The following SEMA3A variants were observed in gnomAD, a reference collection of about 807,000 sequenced individuals.
The protein encoded by SEMA3A is semaphorin 3A, also known as semaphorin-3A.
SEMA3A carries 29 observed loss-of-function variants against 97.9 expected under a neutral mutation model. That is an observed-to-expected ratio of 0.30 (90% CI 0.22 to 0.40). The LOEUF (loss-of-function observed/expected upper bound fraction) is 0.40. Among genes scored for constraint, SEMA3A ranks in the 10% least tolerant of loss-of-function variants. The pLI, the probability that SEMA3A is intolerant of heterozygous loss-of-function variation, is 1.00. For missense variants in SEMA3A, 763 were observed against 951.3 expected, an observed-to-expected ratio of 0.80 and a Z score of 2.60; for synonymous variants, 321 against 323.7, an observed-to-expected ratio of 0.99 and a Z score of 0.09.
In SEMA3A at chr7:84,006,963, G is replaced by A. The variant is rs539613233; in HGVS notation, c.1140+390C>T. On this transcript the variant is annotated intron_variant, in intron 10 of 16. Transcript: ENST00000265362. Reference sequence around the variant, plus strand: ...TTTGTATGTAAATTATAAAATTAAGGTTATAGAAATATCAAATATTTATGT... The same window carrying A: ...TTTGTATGTAAATTATAAAATTAAGATTATAGAAATATCAAATATTTATGT... Among the ~76,000 whole-genome samples the A allele has an allele frequency of 1.6e-4, 24 of 152,028 alleles. No individual in the cohort carries two copies. The East Asian group carries it at 4.5e-3, about 28-fold the overall frequency.
intron 9 of SEMA3A, among the ~76,000 whole-genome samples, chr7:84,009,928 A>AC: frequency 6.8e-6 from 1 of 146,608 alleles, no homozygotes; most frequent in South Asian, 2.1e-4. Flanking sequence ...AAAAAAAAAA[A>AC]CCCAGTCATA....
At chr7:83,995,350 A>G (rs1207673284) in intron 12 of SEMA3A, among the ~76,000 whole-genome samples, 1 of 152,006 alleles carries the variant, frequency 6.6e-6, no homozygotes, top group African/African-American at 2.4e-5. Context: ...CCCCAATAAA[A>G]ATTATTTCAT....
intron 15 of SEMA3A, 70 bp from the exon 16 acceptor site, chr7:83,963,417 T>C (rs1788554591): frequency 2.0e-6 from 3 of 1,525,698 alleles, no homozygotes; most frequent in South Asian, 2.3e-5. Context: ...AAGTTTTTAT[T>C]TGGAAATTCA....
intron 1 of SEMA3A, among the ~76,000 whole-genome samples, chr7:84,448,371 T>A (rs1408259108): frequency 1.3e-5 from 2 of 152,174 alleles, no homozygotes; most frequent in African/African-American, 2.4e-5. Context: ...ATCATCTCTG[T>A]TTGCAGCTGA....
chr7:83,991,890 G>C (rs886921553), intron 12 of SEMA3A, among the ~76,000 whole-genome samples: 10 of 146,984 alleles, frequency 6.8e-5, no homozygotes, highest in South Asian at 2.3e-4. Context: ...GTTTCAGAAG[G>C]AATGGTACCA....
intron 3 of SEMA3A, among the ~76,000 whole-genome samples, chr7:84,243,106 T>A (rs1195213641): frequency 1.3e-5 from 2 of 152,156 alleles, no homozygotes; most frequent in Non-Finnish European, 2.9e-5. Context: ...GGCCTGAAAT[T>A]TTCTTTTTTT....
chr7:84,441,392 A>G (rs1805270124), intron 1 of SEMA3A, among the ~76,000 whole-genome samples: 1 of 151,830 alleles, frequency 6.6e-6, no homozygotes, highest in Non-Finnish European at 1.5e-5. Flanking sequence ...GCTTCAAAAT[A>G]TAATAACAGA....
intron 2 of SEMA3A, among the ~76,000 whole-genome samples, chr7:84,316,518 C>A (rs1801504644): frequency 1.3e-5 from 2 of 151,836 alleles, no homozygotes; most frequent in African/African-American, 4.8e-5. Flanking sequence ...ATATTACCAC[C>A]CTATGAAGTC....
At chr7:84,046,485 T>C in intron 5 of SEMA3A, 42 bp from the exon 6 acceptor site, 1 of 1,607,892 alleles carries the variant, frequency 6.2e-7, no homozygotes, top group Non-Finnish European at 8.5e-7. Flanking sequence ...TTAATTCAAT[T>C]AAGGCAAAAA....
intron 1 of SEMA3A, among the ~76,000 whole-genome samples, chr7:84,489,724 A>G (rs1358550402): frequency 6.9e-6 from 1 of 144,766 alleles, no homozygotes; most frequent in East Asian, 2.1e-4. Context: ...CTCTTGTGCG[A>G]TGTTGGCGTT....
At chr7:84,382,273 A>T (rs1209459143) in intron 1 of SEMA3A, among the ~76,000 whole-genome samples, 3 of 151,382 alleles carry the variant, frequency 2.0e-5, no homozygotes, top group Non-Finnish European at 4.4e-5. Flanking sequence ...ACCGCCAACT[A>T]ATTTTTGTAT....
At chr7:84,263,706 C>G (rs1391667541) in intron 3 of SEMA3A, among the ~76,000 whole-genome samples, 1 of 152,146 alleles carries the variant, frequency 6.6e-6, no homozygotes, top group East Asian at 1.9e-4. Flanking sequence ...GTTCCATGCT[C>G]GTTACTTCCT....
intron 2 of SEMA3A, among the ~76,000 whole-genome samples, chr7:84,351,785 C>T (rs560493957): frequency 6.6e-6 from 1 of 152,060 alleles, no homozygotes; most frequent in African/African-American, 2.4e-5. Context: ...TAAATTAGTA[C>T]AGCCACTACG....
chr7:84,260,106 C>G (rs1373008315), intron 3 of SEMA3A, among the ~76,000 whole-genome samples: 1 of 152,032 alleles, frequency 6.6e-6, no homozygotes, highest in African/African-American at 2.4e-5. Flanking sequence ...GCTGAGTGAA[C>G]AAGTAAATGA....
chr7:84,033,806 C>T (rs952469341), intron 6 of SEMA3A, among the ~76,000 whole-genome samples: 5 of 151,954 alleles, frequency 3.3e-5, no homozygotes, highest in Non-Finnish European at 5.9e-5. Flanking sequence ...CCTGAGAGTC[C>T]ACATTTTGAA....
At chr7:84,284,665 A>G (rs1053270357) in intron 3 of SEMA3A, among the ~76,000 whole-genome samples, 4 of 152,184 alleles carry the variant, frequency 2.6e-5, no homozygotes, top group African/African-American at 9.6e-5. Flanking sequence ...TCCAGTTAGG[A>G]ATTGTGTCTT....
intron 13 of SEMA3A, among the ~76,000 whole-genome samples, chr7:83,982,860 A>G (rs1789473651): frequency 2.0e-5 from 3 of 152,068 alleles, no homozygotes; most frequent in Admixed American, 2.0e-4. Context: ...TAAGGTTATA[A>G]GGAGTGTTTA....
chr7:84,463,377 T>C (rs961072678), intron 1 of SEMA3A, among the ~76,000 whole-genome samples: 5 of 150,572 alleles, frequency 3.3e-5, no homozygotes, highest in Non-Finnish European at 7.4e-5. Context: ...GCCTCCCGAG[T>C]AGCTGGGACT....
intron 1 of SEMA3A, among the ~76,000 whole-genome samples, chr7:84,135,268 G>A (rs1420590222): frequency 6.6e-6 from 1 of 151,712 alleles, no homozygotes; most frequent in East Asian, 1.9e-4. Flanking sequence ...GCACCACTAT[G>A]CCCGGCTAAT....
Sources: gnomAD v4.1 joint callset for allele counts (sites outside exome capture counted in the v4.1 genomes callset) on GRCh38, gnomAD v4.1.1 for gene constraint, MANE v1.5 for transcripts, NCBI Gene and HGNC (gene_info 2026-07-23, HGNC 2026-07-21) for gene names.